AMER1: variants seen among roughly 807,000 people sequenced by gnomAD.
AMER1 encodes the protein RP11-403E24.2.
In AMER1, 16 loss-of-function variants were observed where a neutral mutation model predicts 53.0. The observed-to-expected ratio is 0.30, with a 90% CI of 0.20 to 0.46. AMER1 has a LOEUF of 0.46. Among genes scored for constraint, AMER1 ranks in the 20% least tolerant of loss-of-function variants. The pLI is 1.00. For missense variants in AMER1, 947 were observed against 884.9 expected, an observed-to-expected ratio of 1.07 and a Z score of -0.89; for synonymous variants, 354 against 331.9, an observed-to-expected ratio of 1.07 and a Z score of -0.73.
Position 64,190,813 on chromosome X carries a change from T to C in AMER1, c.2474A>G (p.Asn825Ser), listed in dbSNP as rs2147086000. 1 of 1,211,280 alleles carries C rather than the reference T, an allele frequency of 8.3e-7. No homozygotes were observed. The highest frequency in any genetic ancestry group is 1.1e-6 in the Non-Finnish European group (1 of 895,264). ...ATCTTCATCATTGTGGAACTCAGGA[T>C]TCTCTTCACACTTGCCTTCCCCATC... ...ERDGEGKCEE[N>S]PEFHNDEDLA... The change falls in exon 2 of 2, where the codon AAT becomes AGT. Residue 825 changes from asparagine to serine, a missense_variant. By Grantham distance (46) the Asn-to-Ser change is conservative. Coordinates refer to ENST00000374869, the MANE Select transcript of AMER1 (RefSeq NM_152424.4).
At position 64,191,799 on chromosome X, in the gene AMER1, G is replaced by C. The variant is rs746581909; in HGVS notation, c.1488C>G (p.Pro496=). ...GGGCATCTCCACTGTAGCTGTCTCG[G>C]GGTAGACAATCCCTGCGGACAAGCC... ...ALGLVRRDCL[P]RDSYSGDALY... is the part of the protein sequence containing the mutation. The change falls in exon 2 of 2, where the codon CCC becomes CCG. Residue 496 remains proline (P), a synonymous_variant. Transcript: ENST00000374869. 8.3e-6 allele frequency: 10 copies of C among 1,210,030 alleles called. No homozygotes were observed. The highest frequency in any genetic ancestry group is 1.1e-5 in the Non-Finnish European group (10 of 895,218).
At chrX:64,197,019 T>C (rs1459195160) in intron 1 of AMER1, among the ~76,000 whole-genome samples, 2 of 112,371 alleles carry the variant, frequency 1.8e-5, no homozygotes, top group Non-Finnish European at 3.8e-5. Flanking sequence ...TGCCTTTACT[T>C]AGGACCACAA....
At position 64,191,684 on chromosome X, in the gene AMER1, T is replaced by C. The variant is rs931047744; in HGVS notation, c.1603A>G (p.Met535Val). The C allele has an allele frequency of 8.3e-7, 1 of 1,211,690 alleles. No individual in the cohort carries two copies. The highest frequency in any genetic ancestry group is 3.0e-5 in the East Asian group (1 of 33,809). The change falls in exon 2 of 2, where the codon ATG (methionine) becomes GTG (valine). Residue 535 changes from methionine (M) to valine (V), a missense_variant. Met to Val is a conservative substitution (Grantham distance 21). Coordinates refer to ENST00000374869, the MANE Select transcript of AMER1 (RefSeq NM_152424.4). ...LYDLHGRSSE[M>V]FDPFLNFEPF... Reference sequence around the variant, plus strand: ...TCAAAGTTTAAGAAGGGGTCAAACATCTCAGAGCTTCGACCATGGAGGTCA... The same window carrying C: ...TCAAAGTTTAAGAAGGGGTCAAACACCTCAGAGCTTCGACCATGGAGGTCA...
chrX:64,202,348 A>G (rs757417991), intron 1 of AMER1, among the ~76,000 whole-genome samples: 2 of 111,502 alleles, frequency 1.8e-5, no homozygotes, highest in East Asian at 2.8e-4. Context: ...GGAATGAGGG[A>G]GGTAAGATGA....
chrX:64,194,269 CTCT>C (rs1602069233), intron 1 of AMER1, among the ~76,000 whole-genome samples: 1 of 111,430 alleles, frequency 9.0e-6, no homozygotes, highest in African/African-American at 3.3e-5. Flanking sequence ...TACTCTCCTC[CTCT>C]TATTATTTTT....
At position 64,187,239 on chromosome X, in the gene AMER1, A is replaced by C. The variant is rs1046469432; in HGVS notation, c.*2640T>G. 1.3e-6 allele frequency: 1 copy of C among 785,511 alleles called. No individual in the cohort carries two copies. Among genetic ancestry groups the C allele is most frequent in the Non-Finnish European group, 1.5e-6 (1 of 658,784 alleles). The allele number at this position is 785,511 out of a possible 1,213,427, so 64.7% of individuals were successfully genotyped here. A position where few individuals can be genotyped will look rare whatever the true frequency, so the allele number is the denominator to read the frequency against. On this transcript the variant is annotated 3_prime_UTR_variant, in exon 2 of 2. Transcript: ENST00000374869. ...AGGCTGCCATTGGGTTTCAGCCACAAACTGCTTAGCTCTAGAAATTCAAAG... is the reference window on the plus strand; with the variant it reads ...AGGCTGCCATTGGGTTTCAGCCACACACTGCTTAGCTCTAGAAATTCAAAG...
rs192168352 is a variant in AMER1 at position 64,187,991 on chromosome X, A to T, written c.*1888T>A. Reference sequence around the variant, plus strand: ...ATTCATGTGGTGCTTCCAGGGGTGCAGCTTCTACCAGCCAGGTCTGCTATT... The same window carrying T: ...ATTCATGTGGTGCTTCCAGGGGTGCTGCTTCTACCAGCCAGGTCTGCTATT... On this transcript the variant is annotated 3_prime_UTR_variant, in exon 2 of 2. Transcript: ENST00000374869. The T allele has an allele frequency of 2.6e-6, 2 of 779,287 alleles. No homozygotes were observed. Among genetic ancestry groups the T allele is most frequent in the East Asian group, 1.7e-4 (2 of 11,478 alleles). The allele number at this position is 779,287 out of a possible 1,213,427, so 64.2% of individuals were successfully genotyped here.
intron 1 of AMER1, among the ~76,000 whole-genome samples, chrX:64,195,545 C>G (rs1176181532): frequency 8.9e-6 from 1 of 112,294 alleles, no homozygotes; most frequent in Non-Finnish European, 1.9e-5. Context: ...ATTACCTGAG[C>G]TCTGCCTTCT....
In AMER1 at chrX:64,192,229, C is replaced by T. The variant is rs1157288902; in HGVS notation, c.1058G>A (p.Arg353Gln). The T allele has an allele frequency of 1.2e-5, 15 of 1,210,647 alleles. No homozygotes were observed. The highest frequency in any genetic ancestry group is 6.5e-5 in the Admixed American group (3 of 45,911). ...GCAGGAACTTCGCTTGGTCCCATCT[C>T]GGTTTGCTCTCTGGCCCCCAGAGGC... ...SMASGGQRAN[R>Q]DGTKRSSCLV... Residue 353 changes from arginine to glutamine, a missense_variant, in exon 2 of 2, where the codon CGA (arginine) becomes CAA (glutamine). Coordinates refer to ENST00000374869, the MANE Select transcript of AMER1 (RefSeq NM_152424.4).
In AMER1 at chrX:64,186,307, TTTG is replaced by T; in HGVS notation, c.*3569_*3571del. The stretch of plus-strand genomic sequence containing the variant: ...AAGCAGCAGCAATTTTTGTGTCATC[TTTG>T]TTTTGTTTAAAACTGTAAACAGCAC... On this transcript the variant is annotated 3_prime_UTR_variant, in exon 2 of 2. Transcript: ENST00000374869. 1 of 1,045,075 alleles carries T rather than the reference TTTG, an allele frequency of 9.6e-7. No homozygotes were observed. The highest frequency in any genetic ancestry group is 1.2e-6 in the Non-Finnish European group (1 of 810,016). The allele number at this position is 1,045,075 out of a possible 1,213,427, so 86.1% of individuals were successfully genotyped here.
At chrX:64,198,205 G>C (rs1930416010) in intron 1 of AMER1, among the ~76,000 whole-genome samples, 1 of 112,325 alleles carries the variant, frequency 8.9e-6, no homozygotes, top group Non-Finnish European at 1.9e-5. Context: ...AGCAGCCAAG[G>C]ATTATCTGGG....
In AMER1 at chrX:64,186,204, G is replaced by T. The variant is rs772583802; in HGVS notation, c.*3675C>A. The T allele has an allele frequency of 2.5e-6, 3 of 1,204,523 alleles. No individual in the cohort carries two copies. In the African/African-American group the frequency reaches 5.3e-5, roughly 21 times the overall value. On this transcript the variant is annotated 3_prime_UTR_variant, in exon 2 of 2. Transcript: ENST00000374869. Reference sequence around the variant, plus strand: ...TGTCCCTATCATGGGGGGAGGGAACGGACAGTGTGGTACAGCTAAGGTAGG... The same window carrying T: ...TGTCCCTATCATGGGGGGAGGGAACTGACAGTGTGGTACAGCTAAGGTAGG...
rs1930118626 is a variant in AMER1, at chrX:64,186,684, T to C, written c.*3195A>G. 5 of 773,206 alleles carry C rather than the reference T, an allele frequency of 6.5e-6. 1 individual carries two copies. The highest frequency in any genetic ancestry group is 2.3e-5 in the African/African-American group (1 of 43,840). The allele number at this position is 773,206 out of a possible 1,213,427, so 63.7% of individuals were successfully genotyped here. On this transcript the variant is annotated 3_prime_UTR_variant, in exon 2 of 2. Coordinates refer to ENST00000374869, the MANE Select transcript of AMER1 (RefSeq NM_152424.4). Reference sequence around the variant, plus strand: ...AGGAGGGAGAGAGACTGGTGTTTACTGAACCCATTATCCGGGCAGTCTTGT... The same window carrying C: ...AGGAGGGAGAGAGACTGGTGTTTACCGAACCCATTATCCGGGCAGTCTTGT...
Position 64,187,235 on chromosome X carries a change from C to A in AMER1, c.*2644G>T. 2.5e-6 allele frequency: 2 copies of A among 787,194 alleles called. No homozygotes were observed. The highest frequency in any genetic ancestry group is 3.0e-6 in the Non-Finnish European group (2 of 659,043). 64.9% of individuals were successfully genotyped at this position (787,194 alleles called of 1,213,427 possible). ...CCCTAGGCTGCCATTGGGTTTCAGC[C>A]ACAAACTGCTTAGCTCTAGAAATTC... On this transcript the variant is annotated 3_prime_UTR_variant, in exon 2 of 2. Coordinates refer to ENST00000374869, the MANE Select transcript of AMER1 (RefSeq NM_152424.4).
Position 64,188,162 on chromosome X carries a change from A to G in AMER1, c.*1717T>C. On this transcript the variant is annotated 3_prime_UTR_variant, in exon 2 of 2. Coordinates refer to ENST00000374869, the MANE Select transcript of AMER1 (RefSeq NM_152424.4). ...GCATCTGTTCCCAAGCTAAATTGCC[A>G]TATCTCAGGAATGGCAAGAACCCTG... 1.2e-6 allele frequency: 1 copy of G among 803,565 alleles called. No homozygotes were observed. Among genetic ancestry groups the G allele is most frequent in the East Asian group, 7.2e-5 (1 of 13,965 alleles). The allele number at this position is 803,565 out of a possible 1,213,427, so 66.2% of individuals were successfully genotyped here.
At chrX:64,196,321 T>C (rs1051103974) in intron 1 of AMER1, among the ~76,000 whole-genome samples, 2 of 112,165 alleles carry the variant, frequency 1.8e-5, no homozygotes, top group African/African-American at 6.5e-5. Flanking sequence ...TCAAAACAGC[T>C]CCTCTACCTA....
Position 64,187,519 on chromosome X carries a change from C to T in AMER1, c.*2360G>A, listed in dbSNP as rs1039952654. The T allele has an allele frequency of 7.7e-6, 6 of 780,965 alleles. No homozygotes were observed. Among genetic ancestry groups the T allele is most frequent in the Non-Finnish European group, 4.6e-6 (3 of 655,780 alleles). The allele number at this position is 780,965 out of a possible 1,213,427, so 64.4% of individuals were successfully genotyped here. A position where few individuals can be genotyped will look rare whatever the true frequency, so the allele number is the denominator to read the frequency against. On this transcript the variant is annotated 3_prime_UTR_variant, in exon 2 of 2. Transcript: ENST00000374869. ...CTGATCCTGAGGGCAGCTCTCAGCC[C>T]TTAGCCAAAGGTTGGCCACCTCCTT...
intron 1 of AMER1, among the ~76,000 whole-genome samples, chrX:64,196,046 C>T (rs1030068138): frequency 8.9e-6 from 1 of 112,330 alleles, no homozygotes; most frequent in Non-Finnish European, 1.9e-5. Flanking sequence ...AGGCTGCTTT[C>T]CAGAGCCTTG....
rs2147087953 is a variant in AMER1, at chrX:64,191,723, C to T, written c.1564G>A (p.Asp522Asn). Residue 522 changes from aspartate (D) to asparagine (N), a missense_variant, in exon 2 of 2, where the codon GAT becomes AAT. Physicochemically the swap from Asp to Asn is conservative, Grantham distance 23. Coordinates refer to ENST00000374869, the MANE Select transcript of AMER1 (RefSeq NM_152424.4). ...DDSLENSPPG[D>N]DCLYDLHGRS... ...CCATGGAGGTCATAAAGGCAGTCAT[C>T]TCCAGGTGGAGAGTTCTCAAGGCTG... The T allele has an allele frequency of 8.3e-7, 1 of 1,211,646 alleles. No homozygotes were observed. Among genetic ancestry groups the T allele is most frequent in the Non-Finnish European group, 1.1e-6 (1 of 895,427 alleles).
Sources: allele counts gnomAD v4.1 joint callset (sites outside exome capture counted in the v4.1 genomes callset), GRCh38; gene constraint gnomAD v4.1.1; transcripts MANE v1.5; gene names NCBI Gene and HGNC (gene_info 2026-07-23, HGNC 2026-07-21).